Variants in ASXL3 observed in about 807,000 individuals in gnomAD.
The protein encoded by ASXL3 is putative Polycomb group protein ASXL3.
In ASXL3, 34 loss-of-function variants were observed where a neutral mutation model predicts 170.6. That is an observed-to-expected ratio of 0.20 (90% CI 0.15 to 0.27). The LOEUF is 0.27. ASXL3 is among the 10% of genes least tolerant of loss of function. The probability of loss-of-function intolerance (pLI) is 1.00; values close to 1 mark genes in which losing one functional copy is unlikely to be tolerated. For synonymous variants in ASXL3, 1,002 were observed against 989.1 expected, an observed-to-expected ratio of 1.01 and a Z score of -0.24; for missense variants, 2,592 against 2,695.3, an observed-to-expected ratio of 0.96 and a Z score of 0.85.
At chr18:33,601,237 CTG>C (rs932353193) in intron 1 of ASXL3, among the ~76,000 whole-genome samples, 45 of 151,618 alleles carry the variant, frequency 3.0e-4, no homozygotes, top group African/African-American at 9.7e-4. Context: ...TGAAAAAAAT[CTG>C]TGTTTCTAGG....
At chr18:33,618,816 T>C (rs1302462259) in intron 2 of ASXL3, among the ~76,000 whole-genome samples, 1 of 152,178 alleles carries the variant, frequency 6.6e-6, no homozygotes, top group Non-Finnish European at 1.5e-5. Context: ...AAATTATCTC[T>C]TGAATTATTC....
chr18:33,689,583 CATA>C (rs1257025343), intron 8 of ASXL3, among the ~76,000 whole-genome samples: 1 of 152,146 alleles, frequency 6.6e-6, no homozygotes, highest in African/African-American at 2.4e-5. Context: ...TTTGAGTTTT[CATA>C]ATATCTCCTA....
chr18:33,584,191 G>A (rs1033965779), intron 1 of ASXL3, among the ~76,000 whole-genome samples: 4 of 152,166 alleles, frequency 2.6e-5, no homozygotes, highest in Admixed American at 6.5e-5. Context: ...GACATGGACA[G>A]AGGTGAGGTG....
At chr18:33,657,794 C>T (rs1389658666) in intron 4 of ASXL3, among the ~76,000 whole-genome samples, 2 of 152,078 alleles carry the variant, frequency 1.3e-5, no homozygotes, top group South Asian at 2.1e-4. Flanking sequence ...TTAAAATCAG[C>T]AGATTAGCTT....
At chr18:33,656,550 G>A (rs748344194) in intron 4 of ASXL3, among the ~76,000 whole-genome samples, 1 of 152,040 alleles carries the variant, frequency 6.6e-6, no homozygotes. Flanking sequence ...CACAGCTTCT[G>A]CCATTTTATG....
In ASXL3 at chr18:33,640,242, A is replaced by G. The variant is rs187246370; in HGVS notation, c.138-4652A>G. Among the ~76,000 whole-genome samples the G allele has an allele frequency of 2.0e-5, 3 of 152,160 alleles. No individual in the cohort carries two copies. The East Asian group carries it at 5.8e-4, about 29-fold the overall frequency. On this transcript the variant is annotated intron_variant, in intron 2 of 11. Transcript: ENST00000269197. ...TATTGGAATTATTCAGCTAACTTAT[A>G]TAACTATATACATATATTACAAACA...
chr18:33,618,398 A>G (rs1056751074), intron 2 of ASXL3, among the ~76,000 whole-genome samples: 1 of 152,086 alleles, frequency 6.6e-6, no homozygotes, highest in Non-Finnish European at 1.5e-5. Flanking sequence ...TGTTCTTAGT[A>G]CTCAGGTATA....
Position 33,739,307 on chromosome 18 carries a change from A to G in ASXL3, c.1903A>G (p.Thr635Ala). The G allele has an allele frequency of 6.2e-7, 1 of 1,613,542 alleles. No individual in the cohort carries two copies. Among genetic ancestry groups the G allele is most frequent in the East Asian group, 2.2e-5 (1 of 44,876 alleles). The change falls in exon 11 of 12, where the codon ACA (threonine) becomes GCA (alanine). Residue 635 changes from threonine (T) to alanine (A), a missense_variant. Physicochemically the swap from Thr to Ala is moderately conservative, Grantham distance 58. Coordinates refer to ENST00000269197, the MANE Select transcript of ASXL3 (RefSeq NM_030632.3). Reference protein sequence around the residue: ...LPSPGGETQSTSEESCTPASL... With the variant: ...LPSPGGETQSASEESCTPASL... ...TTCTCCAGGAGGGGAAACACAGTCC[A>G]CATCAGAAGAATCATGTACTCCAGC...
intron 2 of ASXL3, among the ~76,000 whole-genome samples, chr18:33,627,631 GC>G (rs1402489390): frequency 1.3e-5 from 2 of 151,926 alleles, no homozygotes; most frequent in Non-Finnish European, 2.9e-5. Flanking sequence ...TATTCTTGAG[GC>G]TGATTTTTCC....
intron 1 of ASXL3, among the ~76,000 whole-genome samples, chr18:33,601,287 T>G (rs1252675396): frequency 6.6e-6 from 1 of 151,960 alleles, no homozygotes; most frequent in Non-Finnish European, 1.5e-5. Context: ...TTTCAGCCAA[T>G]AATATTAGCT....
chr18:33,698,167 G>A (rs1304264127), intron 8 of ASXL3, among the ~76,000 whole-genome samples: 2 of 152,016 alleles, frequency 1.3e-5, no homozygotes, highest in African/African-American at 4.8e-5. Flanking sequence ...CTTGTGAATG[G>A]GATTAAACCC....
intron 7 of ASXL3, among the ~76,000 whole-genome samples, chr18:33,674,966 A>G (rs774806052): frequency 6.6e-6 from 1 of 152,182 alleles, no homozygotes; most frequent in Non-Finnish European, 1.5e-5. Flanking sequence ...TATTAGAATC[A>G]GACTGATATT....
intron 8 of ASXL3, among the ~76,000 whole-genome samples, chr18:33,700,858 A>G (rs905050188): frequency 6.6e-6 from 1 of 152,058 alleles, no homozygotes; most frequent in Non-Finnish European, 1.5e-5. Context: ...TGAAGAAAGA[A>G]CAATGAACTG....
At chr18:33,638,122 G>A (rs1392208292) in intron 2 of ASXL3, among the ~76,000 whole-genome samples, 1 of 148,358 alleles carries the variant, frequency 6.7e-6, no homozygotes, top group Non-Finnish European at 1.5e-5. Flanking sequence ...GTATATATGT[G>A]CATGTGTATA....
intron 8 of ASXL3, among the ~76,000 whole-genome samples, chr18:33,714,537 C>A (rs2067132115): frequency 6.6e-6 from 1 of 152,148 alleles, no homozygotes; most frequent in South Asian, 2.1e-4. Context: ...GTAACTTGCC[C>A]CAAAACACAT....
chr18:33,603,861 A>G (rs893977204), intron 1 of ASXL3, among the ~76,000 whole-genome samples: 1 of 152,112 alleles, frequency 6.6e-6, no homozygotes. Context: ...AAAGAAAGAA[A>G]GGACATTTTA....
chr18:33,700,218 G>A (rs2066847484), intron 8 of ASXL3, among the ~76,000 whole-genome samples: 1 of 152,144 alleles, frequency 6.6e-6, no homozygotes, highest in East Asian at 1.9e-4. Flanking sequence ...TTGAGAGGGA[G>A]CAATTAAGTA....
intron 8 of ASXL3, among the ~76,000 whole-genome samples, chr18:33,685,676 C>A (rs2066582739): frequency 6.6e-6 from 1 of 152,144 alleles, no homozygotes; most frequent in Non-Finnish European, 1.5e-5. Flanking sequence ...ACAAAGCATA[C>A]TGTTGGCATT....
rs2067605873 is a variant in ASXL3, at chr18:33,739,153, T to C, written c.1749T>C (p.Phe583=). Residue 583 remains phenylalanine (F), a synonymous_variant, in exon 11 of 12, where the codon TTT becomes TTC. Coordinates refer to ENST00000269197, the MANE Select transcript of ASXL3 (RefSeq NM_030632.3). ...KTGSSSLEGQ[F]PNEGIAIDME... ...GGTCATCTTCTCTAGAAGGCCAGTT[T>C]CCAAATGAAGGAATTGCTATAGATA... The C allele has an allele frequency of 3.7e-6, 6 of 1,613,742 alleles. No homozygotes were observed. Among genetic ancestry groups the C allele is most frequent in the Non-Finnish European group, 4.2e-6 (5 of 1,179,798 alleles).
Sources: gnomAD v4.1 joint callset for allele counts (sites outside exome capture counted in the v4.1 genomes callset) on GRCh38, gnomAD v4.1.1 for gene constraint, MANE v1.5 for transcripts, NCBI Gene and HGNC (gene_info 2026-07-23, HGNC 2026-07-21) for gene names.